The following SPOP variants were observed in gnomAD, a reference collection of about 807,000 sequenced individuals.
SPOP encodes the protein speckle type BTB/POZ protein.
In SPOP, 11 loss-of-function variants were observed where a neutral mutation model predicts 45.6. The ratio of observed to expected loss-of-function variants is 0.24; its 90% CI spans 0.15 to 0.40. The LOEUF is 0.40. Ranked by LOEUF, SPOP falls within the 10% of genes least tolerant of loss-of-function variation. The probability of loss-of-function intolerance (pLI) is 1.00; values close to 1 mark genes in which losing one functional copy is unlikely to be tolerated. For missense variants in SPOP, 152 were observed against 465.6 expected, an observed-to-expected ratio of 0.33 and a Z score of 6.20; for synonymous variants, 166 against 166.3, an observed-to-expected ratio of 1.00 and a Z score of 0.01.
chr17:49,666,161 A>G (rs118041743), intron 1 of SPOP, among the ~76,000 whole-genome samples: 1,531 of 152,200 alleles, frequency 0.01, 31 homozygotes, highest in East Asian at 0.092. Flanking sequence ...AAACTCTCAT[A>G]TATATGGAAA....
intron 8 of SPOP, among the ~76,000 whole-genome samples, chr17:49,604,492 A>C (rs1345372398): frequency 1.3e-5 from 2 of 152,208 alleles, no homozygotes; most frequent in Admixed American, 1.3e-4. Context: ...TCAGGCACAA[A>C]GGGAGGTAGG....
intron 1 of SPOP, among the ~76,000 whole-genome samples, chr17:49,623,735 C>A (rs2072267020): frequency 6.6e-6 from 1 of 152,082 alleles, no homozygotes. Context: ...TGCTTACATT[C>A]CTGTCATCAC....
intron 8 of SPOP, among the ~76,000 whole-genome samples, chr17:49,606,587 G>A (rs2071855255): frequency 6.7e-6 from 1 of 150,046 alleles, no homozygotes; most frequent in Non-Finnish European, 1.5e-5. Context: ...TCTGCCTCCT[G>A]GGTTCAAGCG....
At chr17:49,645,080 A>C (rs1304369377) in intron 1 of SPOP, among the ~76,000 whole-genome samples, 4 of 152,234 alleles carry the variant, frequency 2.6e-5, no homozygotes, top group African/African-American at 4.8e-5. Context: ...AAAAAAAGCT[A>C]AATAGCTCAA....
intron 1 of SPOP, among the ~76,000 whole-genome samples, chr17:49,674,096 G>A (rs1295277731): frequency 6.6e-6 from 1 of 151,866 alleles, no homozygotes; most frequent in Non-Finnish European, 1.5e-5. Flanking sequence ...GCGGTGAGTC[G>A]AGATTGCACC....
chr17:49,610,112 CGTTAAG>C (rs2071938637), intron 6 of SPOP, among the ~76,000 whole-genome samples: 1 of 152,058 alleles, frequency 6.6e-6, no homozygotes, highest in South Asian at 2.1e-4. Flanking sequence ...AGACAGCTAT[CGTTAAG>C]AAAGGGAGTT....
intron 1 of SPOP, among the ~76,000 whole-genome samples, chr17:49,647,098 T>C (rs1309742621): frequency 4.0e-5 from 6 of 151,842 alleles, no homozygotes; most frequent in African/African-American, 1.5e-4. Context: ...CAGACCATCC[T>C]GGCCAACATG....
chr17:49,621,042 CAG>C (rs1214189329), intron 3 of SPOP, among the ~76,000 whole-genome samples: 1 of 152,164 alleles, frequency 6.6e-6, no homozygotes, highest in Admixed American at 6.5e-5. Flanking sequence ...ACTGGTGGTT[CAG>C]AGACTTGCGT....
intron 1 of SPOP, among the ~76,000 whole-genome samples, chr17:49,628,683 A>C (rs1444866849): frequency 6.6e-6 from 1 of 152,218 alleles, no homozygotes; most frequent in African/African-American, 2.4e-5. Context: ...AAACTATTCC[A>C]AAAAATCTGG....
chr17:49,631,323 T>C (rs966298686), intron 1 of SPOP, among the ~76,000 whole-genome samples: 1 of 152,160 alleles, frequency 6.6e-6, no homozygotes, highest in Non-Finnish European at 1.5e-5. Context: ...ATAGAAAATA[T>C]ACATTTGTTT....
intron 1 of SPOP, among the ~76,000 whole-genome samples, chr17:49,647,012 G>A (rs571138089): frequency 3.3e-5 from 5 of 151,916 alleles, no homozygotes; most frequent in Admixed American, 2.0e-4. Context: ...TCTTTTGGCC[G>A]GGCAAGGTGA....
intron 1 of SPOP, among the ~76,000 whole-genome samples, chr17:49,674,375 A>G (rs960263649): frequency 1.4e-4 from 21 of 152,112 alleles, no homozygotes; most frequent in Admixed American, 5.2e-4. Context: ...TATTGCTTCA[A>G]TCTCGTTACT....
At chr17:49,658,209 T>C (rs2072940763) in intron 1 of SPOP, among the ~76,000 whole-genome samples, 1 of 152,216 alleles carries the variant, frequency 6.6e-6, no homozygotes, top group African/African-American at 2.4e-5. Flanking sequence ...GATATAAATA[T>C]CTACATGCAC....
intron 1 of SPOP, among the ~76,000 whole-genome samples, chr17:49,640,184 C>G (rs2072620064): frequency 6.6e-6 from 1 of 151,448 alleles, no homozygotes. Flanking sequence ...ACCCAGGAGG[C>G]AGAGGTTGCA....
chr17:49,610,873 GGGC>G (rs2071957762), intron 6 of SPOP, among the ~76,000 whole-genome samples: 1 of 152,174 alleles, frequency 6.6e-6, no homozygotes, highest in Admixed American at 6.5e-5. Flanking sequence ...ATTGAAAAGA[GGGC>G]TAACCCCTCC....
intron 1 of SPOP, among the ~76,000 whole-genome samples, chr17:49,673,089 G>A (rs1403818690): frequency 6.6e-6 from 1 of 152,268 alleles, no homozygotes; most frequent in East Asian, 1.9e-4. Context: ...ATATTAGATG[G>A]TATTAGAGAA....
At chr17:49,667,131 T>G (rs2143558781) in intron 1 of SPOP, among the ~76,000 whole-genome samples, 1 of 139,072 alleles carries the variant, frequency 7.2e-6, no homozygotes, top group East Asian at 2.1e-4. Flanking sequence ...TGAGCCGAGA[T>G]CATGCCATTG....
At chr17:49,618,154 T>C (rs915967872) in intron 5 of SPOP, among the ~76,000 whole-genome samples, 2 of 152,116 alleles carry the variant, frequency 1.3e-5, no homozygotes, top group African/African-American at 2.4e-5. Flanking sequence ...TGTTTATTAT[T>C]ATCAAGCGGT....
chr17:49,644,092 G>A (rs2143453148), intron 1 of SPOP, among the ~76,000 whole-genome samples: 1 of 152,142 alleles, frequency 6.6e-6, no homozygotes, highest in Admixed American at 6.6e-5. Context: ...CTGGCCAGGT[G>A]CTGTGGCTCA....
Sources: gnomAD v4.1 joint callset for allele counts (sites outside exome capture counted in the v4.1 genomes callset) on GRCh38, gnomAD v4.1.1 for gene constraint, MANE v1.5 for transcripts, NCBI Gene and HGNC (gene_info 2026-07-23, HGNC 2026-07-21) for gene names.